The following CADM2 variants were observed in gnomAD, a reference collection of about 807,000 sequenced individuals.
CADM2 encodes the protein immunoglobulin superfamily member 4D.
In CADM2, 12 loss-of-function variants were observed where a neutral mutation model predicts 49.8. The ratio of observed to expected loss-of-function variants is 0.24; its 90% CI spans 0.15 to 0.39. The LOEUF (loss-of-function observed/expected upper bound fraction) is 0.39, where lower values mean the gene tolerates loss of function less well. Among genes scored for constraint, CADM2 ranks in the 10% least tolerant of loss-of-function variants. The pLI is 1.00. For synonymous variants in CADM2, 214 were observed against 175.4 expected (o/e 1.22, Z -1.74); for missense variants, 378 against 492.3 (o/e 0.77, Z 2.20).
intron 2 of CADM2, among the ~76,000 whole-genome samples, chr3:85,772,415 A>G (rs1053492480): frequency 2.0e-5 from 3 of 152,054 alleles, no homozygotes; most frequent in Non-Finnish European, 2.9e-5. Flanking sequence ...ATCTGTGTGT[A>G]TGTGTCCATC....
At chr3:86,015,979 GAA>G (rs1010506843) in intron 8 of CADM2, among the ~76,000 whole-genome samples, 22 of 151,984 alleles carry the variant, frequency 1.4e-4, no homozygotes, top group African/African-American at 5.3e-4. Flanking sequence ...TTTTGATGAA[GAA>G]AATCCATTTT....
intron 1 of CADM2, among the ~76,000 whole-genome samples, chr3:85,619,756 G>A (rs1250050797): frequency 6.6e-6 from 1 of 152,060 alleles, no homozygotes; most frequent in Admixed American, 6.6e-5. Flanking sequence ...TTGTCCCACA[G>A]AAAAAGGTTT....
intron 1 of CADM2, among the ~76,000 whole-genome samples, chr3:85,262,803 A>C (rs920821742): frequency 2.6e-4 from 31 of 119,292 alleles, no homozygotes; most frequent in Admixed American, 5.1e-4. Flanking sequence ...ATTTTTATAG[A>C]ACGTATAAGA....
At chr3:85,595,535 C>T (rs2063218740) in intron 1 of CADM2, among the ~76,000 whole-genome samples, 1 of 151,944 alleles carries the variant, frequency 6.6e-6, no homozygotes, top group African/African-American at 2.4e-5. Flanking sequence ...AATATAACTG[C>T]AAAGGTTAAG....
chr3:85,694,928 CTAAAAAAAATAAAA>C (rs1559597648), intron 1 of CADM2, among the ~76,000 whole-genome samples: 1 of 146,360 alleles, frequency 6.8e-6, no homozygotes, highest in African/African-American at 2.4e-5. Context: ...GATCCTATCT[CTAAAAAAAATAAAA>C]TAAAAAAAAT....
intron 3 of CADM2, among the ~76,000 whole-genome samples, chr3:85,840,883 G>T (rs1307982656): frequency 1.3e-5 from 2 of 151,514 alleles, no homozygotes; most frequent in Non-Finnish European, 3.0e-5. Context: ...CATATGTAGG[G>T]ACTTAAAACT....
chr3:85,321,057 A>G (rs1297724526), intron 1 of CADM2, among the ~76,000 whole-genome samples: 8 of 137,470 alleles, frequency 5.8e-5, no homozygotes, highest in Non-Finnish European at 1.1e-4. Context: ...AATAAAAACT[A>G]TATTGTTTTA....
intron 3 of CADM2, among the ~76,000 whole-genome samples, chr3:85,832,199 T>C (rs1377497163): frequency 1.3e-5 from 2 of 151,666 alleles, no homozygotes; most frequent in Non-Finnish European, 3.0e-5. Flanking sequence ...GTGTCTGTTT[T>C]TGCTGTTTTG....
chr3:85,002,476 T>C (rs1014194439), intron 1 of CADM2, among the ~76,000 whole-genome samples: 2 of 152,102 alleles, frequency 1.3e-5, no homozygotes, highest in Admixed American at 1.3e-4. Context: ...GAAGCAAAAA[T>C]ACTGTAAAGG....
chr3:85,511,985 A>C (rs1265958730), intron 1 of CADM2: 1 of 633,154 alleles, frequency 1.6e-6, no homozygotes, highest in Non-Finnish European at 2.0e-6. Context: ...AATGTTTTAA[A>C]GCCAATGTTC....
intron 2 of CADM2, among the ~76,000 whole-genome samples, chr3:85,731,679 C>T (rs1205230753): frequency 6.6e-6 from 1 of 151,960 alleles, no homozygotes; most frequent in East Asian, 1.9e-4. Context: ...TAAACACATA[C>T]AGTATAAGAT....
chr3:85,075,071 GA>G (rs1042672221), intron 1 of CADM2, among the ~76,000 whole-genome samples: 1 of 151,958 alleles, frequency 6.6e-6, no homozygotes, highest in South Asian at 2.1e-4. Flanking sequence ...TAAAGGAGGG[GA>G]AAAAAGAACA....
chr3:85,697,986 C>T (rs762236557), intron 1 of CADM2, among the ~76,000 whole-genome samples: 2 of 152,156 alleles, frequency 1.3e-5, no homozygotes, highest in African/African-American at 2.4e-5. Flanking sequence ...TGGTTATTTA[C>T]TCATTCAATA....
chr3:85,525,788 G>T (rs2061147116), intron 1 of CADM2, among the ~76,000 whole-genome samples: 1 of 151,546 alleles, frequency 6.6e-6, no homozygotes, highest in Non-Finnish European at 1.5e-5. Context: ...CGCTTTTTGG[G>T]TTTATCAGTG....
intron 1 of CADM2, among the ~76,000 whole-genome samples, chr3:85,499,144 A>G (rs1441651731): frequency 5.3e-5 from 8 of 152,126 alleles, no homozygotes; most frequent in Admixed American, 4.6e-4. Flanking sequence ...CAGGACTCCT[A>G]ACAACAACAA....
chr3:85,573,005 G>A (rs2062523022), intron 1 of CADM2, among the ~76,000 whole-genome samples: 1 of 150,572 alleles, frequency 6.6e-6, no homozygotes, highest in African/African-American at 2.5e-5. Flanking sequence ...TCCTAATCGT[G>A]TATACATAAG....
intron 1 of CADM2, among the ~76,000 whole-genome samples, chr3:85,703,874 G>C (rs2066857722): frequency 6.6e-6 from 1 of 152,172 alleles, no homozygotes; most frequent in East Asian, 1.9e-4. Context: ...CTTCTACTAT[G>C]CTAAGTAGCA....
chr3:85,737,558 C>CTT (rs2068189250), intron 2 of CADM2, among the ~76,000 whole-genome samples: 2 of 115,408 alleles, frequency 1.7e-5, no homozygotes, highest in African/African-American at 3.6e-5. Context: ...TCATTCTTTT[C>CTT]TTTCTTTTTT....
chr3:85,623,313 C>T (rs1436326474), intron 1 of CADM2, among the ~76,000 whole-genome samples: 2 of 152,014 alleles, frequency 1.3e-5, no homozygotes, highest in African/African-American at 2.4e-5. Flanking sequence ...AGGTATGTGC[C>T]TTTTCAAATG....
Sources: allele counts gnomAD v4.1 joint callset (sites outside exome capture counted in the v4.1 genomes callset), GRCh38; gene constraint gnomAD v4.1.1; transcripts MANE v1.5; gene names NCBI Gene and HGNC (gene_info 2026-07-23, HGNC 2026-07-21).